Variants in ZNF184 observed in about 807,000 individuals in gnomAD.
The protein encoded by ZNF184 is zinc finger protein 184 (Kruppel-like).
In ZNF184, 16 loss-of-function variants were observed where a neutral mutation model predicts 54.4. That is an observed-to-expected ratio of 0.29 (90% CI 0.20 to 0.45). The LOEUF (loss-of-function observed/expected upper bound fraction) is 0.45. Among genes scored for constraint, ZNF184 ranks in the 20% least tolerant of loss-of-function variants. The pLI is 1.00. For synonymous variants in ZNF184, 254 were observed against 295.3 expected, an observed-to-expected ratio of 0.86 and a Z score of 1.43; for missense variants, 681 against 888.2, an observed-to-expected ratio of 0.77 and a Z score of 2.97.
the ZNF184 span, among the ~76,000 whole-genome samples, chr6:27,414,494 C>G: frequency 1.3e-5 from 2 of 152,216 alleles, no homozygotes; most frequent in African/African-American, 2.4e-5. Context: ...TCACTTTACT[C>G]TAGCCACACT....
In ZNF184 at chr6:27,451,910, C is replaced by A; in HGVS notation, c.1649G>T (p.Arg550Ile). ...IRSSSLAKHE[R>I]IHTGEKPYQC... ...ATAGGGTTTCTCTCCAGTATGAATT[C>A]TTTCATGCTTAGCAAGAGATGAACT... The change falls in exon 6 of 6, where the codon AGA becomes ATA. Residue 550 changes from arginine to isoleucine, a missense_variant. Coordinates refer to ENST00000683788, the MANE Select transcript of ZNF184 (RefSeq NM_001318891.2). The A allele has an allele frequency of 6.2e-7, 1 of 1,612,422 alleles. No homozygotes were observed. The highest frequency in any genetic ancestry group is 8.5e-7 in the Non-Finnish European group (1 of 1,179,934).
Position 27,453,780 on chromosome 6 carries a change from G to A in ZNF184, c.299-520C>T, listed in dbSNP as rs1048535351. Among the ~76,000 whole-genome samples the A allele has an allele frequency of 1.7e-4, 26 of 152,186 alleles. No homozygotes were observed. Among genetic ancestry groups the A allele is most frequent in the African/African-American group, 6.0e-4 (25 of 41,450 alleles). Reference sequence around the variant, plus strand: ...TAGTAGAGAAATAATTTAGCAGGGAGAAACTAACAAGTTCAAGTCTAGGCA... The same window carrying A: ...TAGTAGAGAAATAATTTAGCAGGGAAAAACTAACAAGTTCAAGTCTAGGCA... On this transcript the variant is annotated intron_variant, in intron 5 of 5. Coordinates refer to ENST00000683788, the MANE Select transcript of ZNF184 (RefSeq NM_001318891.2). The surrounding 1 kb of genome is among the most constrained non-coding windows in gnomAD (Gnocchi z 4.7).
At position 27,451,789 on chromosome 6, in the gene ZNF184, C is replaced by T; in HGVS notation, c.1770G>A (p.Glu590=). ...TGTTCTGGTTGAATGCTCTCCCACA[C>T]TCATTACACTTGTAAGGTCGTTCTC... ...HTGERPYKCN[E]CGRAFNQNIH... is the part of the protein sequence containing the mutation. The change falls in exon 6 of 6, where the codon GAG becomes GAA. Residue 590 remains glutamate (E), a synonymous_variant. Transcript: ENST00000683788. 2 of 1,614,032 alleles carry T rather than the reference C, an allele frequency of 1.2e-6. No individual in the cohort carries two copies. The highest frequency in any genetic ancestry group is 1.7e-6 in the Non-Finnish European group (2 of 1,179,998).
chr6:27,405,873 T>C, the ZNF184 span: 1 of 152,164 alleles, frequency 6.6e-6, no homozygotes, highest in Admixed American at 6.5e-5. Flanking sequence ...AAGCACTCCA[T>C]ATACTGCCAT....
At chr6:27,467,468 G>A (rs1763168302) in intron 3 of ZNF184, among the ~76,000 whole-genome samples, 1 of 152,068 alleles carries the variant, frequency 6.6e-6, no homozygotes, top group African/African-American at 2.4e-5. Context: ...GGTAGTGTGG[G>A]CCTGTAGTCC....
chr6:27,407,859 A>G, the ZNF184 span: 1 of 792,006 alleles, frequency 1.3e-6, no homozygotes, highest in Non-Finnish European at 2.3e-6. Flanking sequence ...TCATATCTAT[A>G]AGGAGAAAGG....
chr6:27,457,095 G>A (rs544952045), intron 4 of ZNF184, among the ~76,000 whole-genome samples, 174 bp from the exon 5 acceptor site: 14 of 152,258 alleles, frequency 9.2e-5, no homozygotes, highest in Middle Eastern at 3.4e-3. Context: ...AGTATAATTT[G>A]GGAACTGATC....
the ZNF184 span, among the ~76,000 whole-genome samples, chr6:27,442,810 AAG>A: frequency 0.15 from 10,684 of 73,052 alleles, 1,536 homozygotes; most frequent in Middle Eastern, 0.32. Flanking sequence ...AAGAGAAAGA[AAG>A]AGAAAGAAAG....
chr6:27,470,948 C>CA (rs1284627657), intron 2 of ZNF184, among the ~76,000 whole-genome samples: 1 of 151,950 alleles, frequency 6.6e-6, no homozygotes, highest in African/African-American at 2.4e-5. Flanking sequence ...ACTTGAAGTA[C>CA]AAAAAATTGA....
At chr6:27,405,753 TCTTA>T in the ZNF184 span, 1 of 152,268 alleles carries the variant, frequency 6.6e-6, no homozygotes, top group South Asian at 2.1e-4. Flanking sequence ...CCAGCCACGC[TCTTA>T]TGAACCTGAA....
rs113288485 is a variant in ZNF184, at chr6:27,463,640, C to A, written c.75+4213G>T. On this transcript the variant is annotated intron_variant, in intron 3 of 5. Transcript: ENST00000683788. ...AAATTGCACCAAAATACATCATAAT[C>A]AAATAGTTTAAACTCAGTGATAGAA... 4.6e-4 allele frequency among the ~76,000 whole-genome samples: 69 copies of A among 151,644 alleles called. 1 individual carries two copies. The highest frequency in any genetic ancestry group is 1.6e-3 in the African/African-American group (65 of 41,366).
the ZNF184 span, among the ~76,000 whole-genome samples, chr6:27,421,285 C>T: frequency 3.8e-4 from 58 of 152,262 alleles, no homozygotes; most frequent in Non-Finnish European, 7.5e-4. Flanking sequence ...AACAAATGTA[C>T]CATTGAAGGA....
chr6:27,456,786 C>T (rs372136247), intron 5 of ZNF184, 40 bp downstream of exon 5: 32 of 1,530,026 alleles, frequency 2.1e-5, no homozygotes, highest in African/African-American at 8.2e-5. Flanking sequence ...GGCTGACAGT[C>T]GGAGTTAATG....
chr6:27,472,632 C>T lies in ZNF184; in HGVS notation c.-140+97G>A. ...GATCCAAAAAACCCTTGGTGCCCAC[C>T]CTAGAATCTGGCCGGGGCATCCACA... On this transcript the variant is annotated intron_variant, in intron 1 of 5. Transcript: ENST00000683788. The surrounding 1 kb of genome is among the most constrained non-coding windows in gnomAD (Gnocchi z 4.8). 6.4e-6 allele frequency: 2 copies of T among 314,372 alleles called. No individual in the cohort carries two copies. The highest frequency in any genetic ancestry group is 8.2e-5 in the South Asian group (2 of 24,366). The allele number at this position is 314,372 out of a possible 1,614,324, so 19.5% of individuals were successfully genotyped here.
the ZNF184 span, among the ~76,000 whole-genome samples, chr6:27,424,237 GA>G: frequency 6.6e-6 from 1 of 152,178 alleles, no homozygotes; most frequent in African/African-American, 2.4e-5. Context: ...CTGGTTTCAG[GA>G]ATAACGCTGC....
At chr6:27,425,695 C>G in the ZNF184 span, among the ~76,000 whole-genome samples, 1 of 152,190 alleles carries the variant, frequency 6.6e-6, no homozygotes, top group Non-Finnish European at 1.5e-5. Context: ...TCTTTCCTGC[C>G]TCACGTTCAG....
chr6:27,453,082 T>C lies in ZNF184; in HGVS notation c.477A>G (p.Thr159=), dbSNP rs780477269. 2 of 1,614,122 alleles carry C rather than the reference T, an allele frequency of 1.2e-6. No homozygotes were observed. Among genetic ancestry groups the C allele is most frequent in the Non-Finnish European group, 1.7e-6 (2 of 1,179,992 alleles). ...CGGTTACCTTTATTTCCTTTGGCAGTGTCTGTTGGTTTGCCTGCTGTCTCT... is the reference window on the plus strand; with the variant it reads ...CGGTTACCTTTATTTCCTTTGGCAGCGTCTGTTGGTTTGCCTGCTGTCTCT... ...SLERQQANQQ[T]LPKEIKVTEK... is the part of the protein sequence containing the mutation. The change falls in exon 6 of 6, where the codon ACA becomes ACG. Residue 159 remains threonine, a synonymous_variant. Coordinates refer to ENST00000683788, the MANE Select transcript of ZNF184 (RefSeq NM_001318891.2). The surrounding 1 kb of genome is among the most constrained non-coding windows in gnomAD (Gnocchi z 4.7).
chr6:27,404,181 TG>T, the ZNF184 span: 1 of 152,154 alleles, frequency 6.6e-6, no homozygotes, highest in Non-Finnish European at 1.5e-5. Flanking sequence ...GGATACAAAC[TG>T]AGCATTCTGG....
At chr6:27,465,484 C>CAAAAA (rs60538455) in intron 3 of ZNF184, among the ~76,000 whole-genome samples, 78 of 35,130 alleles carry the variant, frequency 2.2e-3, no homozygotes, top group African/African-American at 3.5e-3. Flanking sequence ...GACTCCATCT[C>CAAAAA]AAAAAAAAAA....
Sources: gnomAD v4.1 joint callset for allele counts (sites outside exome capture counted in the v4.1 genomes callset) on GRCh38, gnomAD v4.1.1 for gene constraint, Gnocchi (gnomAD v3.1) non-coding constraint, MANE v1.5 for transcripts, NCBI Gene and HGNC (gene_info 2026-07-23, HGNC 2026-07-21) for gene names.